Variants in PLEKHG1 observed in about 807,000 individuals in gnomAD.
PLEKHG1 encodes the protein pleckstrin homology domain-containing family G member 1.
Under a neutral mutation model 100.8 loss-of-function variants are expected in PLEKHG1, and 44 were observed. The ratio of observed to expected loss-of-function variants is 0.44; its 90% CI spans 0.34 to 0.56. The LOEUF (loss-of-function observed/expected upper bound fraction) is 0.56, where lower values mean the gene tolerates loss of function less well. PLEKHG1 is among the 20% of genes least tolerant of loss of function. The probability of loss-of-function intolerance (pLI) is 0.01; values close to 1 mark genes in which losing one functional copy is unlikely to be tolerated. For missense variants in PLEKHG1, 1,545 were observed against 1,720.9 expected (o/e 0.90, Z 1.81); for synonymous variants, 640 against 662.5 (o/e 0.97, Z 0.52).
upstream of PLEKHG1, chr6:150,721,061 G>A (rs556378219): frequency 9.4e-6 from 7 of 742,044 alleles, no homozygotes; most frequent in Admixed American, 6.3e-5. Context: ...TGTGTGTTGG[G>A]TTTGGGAGAT....
intron 2 of PLEKHG1, among the ~76,000 whole-genome samples, chr6:150,752,675 C>A (rs566141906): frequency 1.3e-5 from 2 of 152,294 alleles, no homozygotes; most frequent in East Asian, 3.9e-4. Flanking sequence ...AATAACTGAT[C>A]CCTTAACCGA....
chr6:150,838,417 TA>T (rs1389490922), intron 15 of PLEKHG1, among the ~76,000 whole-genome samples: 17 of 152,378 alleles, frequency 1.1e-4, no homozygotes, highest in African/African-American at 4.1e-4. Flanking sequence ...TTGAGATTTT[TA>T]AAAAGCTCAT....
intron 3 of PLEKHG1, among the ~76,000 whole-genome samples, chr6:150,660,659 T>A (rs1054989070): frequency 1.3e-5 from 2 of 152,240 alleles, no homozygotes; most frequent in Non-Finnish European, 2.9e-5. Context: ...TCAGAGCCAG[T>A]TGTTAAAAAC....
intron 3 of PLEKHG1, among the ~76,000 whole-genome samples, chr6:150,677,025 A>G (rs981300008): frequency 6.6e-6 from 1 of 152,030 alleles, no homozygotes; most frequent in Non-Finnish European, 1.5e-5. Context: ...CTCAAACTAT[A>G]GGCATTCTCC....
chr6:150,607,063 G>C lies in PLEKHG1; in HGVS notation c.-204+7046G>C, dbSNP rs368146712. ...CCTCCAACTTCTCGTGTGATTAAAG[G>C]CCCTTGTGTTTTAAGAATTCTTCAG... On this transcript the variant is annotated intron_variant, in intron 1 of 3. Coordinates refer to the PLEKHG1 transcript ENST00000367326. Among the ~76,000 whole-genome samples the C allele has an allele frequency of 3.3e-5, 5 of 152,192 alleles. No individual in the cohort carries two copies. The East Asian group carries it at 7.7e-4, about 24-fold the overall frequency.
intron 3 of PLEKHG1, chr6:150,662,976 A>T (rs1779253550): frequency 6.6e-6 from 1 of 152,184 alleles, no homozygotes; most frequent in African/African-American, 2.4e-5. Flanking sequence ...GTATGATGAT[A>T]CTCATGGGGT....
chr6:150,804,175 A>ATATATATTTTT (rs1173213745), intron 6 of PLEKHG1, among the ~76,000 whole-genome samples: 1 of 43,174 alleles, frequency 2.3e-5, no homozygotes, highest in African/African-American at 9.9e-5. Context: ...ATATATATAT[A>ATATATATTTTT]TTTTTTTTTT....
At chr6:150,717,306 C>A (rs1259416910), upstream of PLEKHG1, among the ~76,000 whole-genome samples, 2 of 151,968 alleles carry the variant, frequency 1.3e-5, no homozygotes, top group African/African-American at 4.8e-5. Context: ...TCCCAAAGTG[C>A]TGGGATTACA....
At chr6:150,676,390 A>G (rs1432031182) in intron 3 of PLEKHG1, among the ~76,000 whole-genome samples, 1 of 152,254 alleles carries the variant, frequency 6.6e-6, no homozygotes, top group Non-Finnish European at 1.5e-5. Flanking sequence ...TTTTACACCT[A>G]TCAAATAAAC....
intron 3 of PLEKHG1, among the ~76,000 whole-genome samples, chr6:150,703,366 T>C (rs1006772025): frequency 2.0e-5 from 3 of 152,158 alleles, no homozygotes; most frequent in Non-Finnish European, 4.4e-5. Flanking sequence ...TTTGGGAGAC[T>C]GAGGCAGGCA....
chr6:150,712,553 A>G (rs1008977973), intron 3 of PLEKHG1, among the ~76,000 whole-genome samples: 1 of 152,216 alleles, frequency 6.6e-6, no homozygotes, highest in Non-Finnish European at 1.5e-5. Flanking sequence ...ATGTTTATTC[A>G]GAATAAACAG....
chr6:150,615,055 T>C (rs574387970), intron 1 of PLEKHG1, among the ~76,000 whole-genome samples: 2 of 152,336 alleles, frequency 1.3e-5, no homozygotes, highest in African/African-American at 2.4e-5. Context: ...TCAGGCACAT[T>C]GGGCTCCTTA....
intron 3 of PLEKHG1, among the ~76,000 whole-genome samples, chr6:150,666,813 T>C (rs1022466530): frequency 8.9e-4 from 134 of 151,200 alleles, no homozygotes; most frequent in African/African-American, 3.1e-3. Context: ...CAGGCTGGAG[T>C]GCAGTGGCGC....
At chr6:150,818,688 A>G (rs550652012) in intron 11 of PLEKHG1, among the ~76,000 whole-genome samples, 1 of 152,366 alleles carries the variant, frequency 6.6e-6, no homozygotes, top group South Asian at 2.1e-4. Context: ...GGCTTACAAA[A>G]GCAGGAGAGA....
chr6:150,750,842 C>T (rs1783475977), intron 2 of PLEKHG1, among the ~76,000 whole-genome samples: 1 of 135,550 alleles, frequency 7.4e-6, no homozygotes, highest in Admixed American at 7.2e-5. Context: ...TGGAAAGTAA[C>T]AAAATGACAG....
chr6:150,770,136 C>T (rs748026025), intron 3 of PLEKHG1, among the ~76,000 whole-genome samples: 9 of 152,198 alleles, frequency 5.9e-5, no homozygotes, highest in Non-Finnish European at 1.2e-4. Flanking sequence ...GCCTACGATG[C>T]TCTTGATTTT....
chr6:150,694,280 G>T (rs1245795899), intron 3 of PLEKHG1, among the ~76,000 whole-genome samples: 3 of 152,180 alleles, frequency 2.0e-5, no homozygotes, highest in Non-Finnish European at 4.4e-5. Flanking sequence ...CTCCTTACTA[G>T]TTGTGTGAAT....
chr6:150,753,597 A>T (rs1471541760), intron 2 of PLEKHG1, among the ~76,000 whole-genome samples: 1 of 152,176 alleles, frequency 6.6e-6, no homozygotes, highest in African/African-American at 2.4e-5. Flanking sequence ...TACTCAACCC[A>T]GGGGTCTGTT....
intron 3 of PLEKHG1, among the ~76,000 whole-genome samples, chr6:150,706,475 A>G (rs1431631643): frequency 1.5e-5 from 2 of 132,478 alleles, no homozygotes; most frequent in Admixed American, 8.5e-5. Flanking sequence ...TTAGCCAGGC[A>G]TGGTGGTGCA....
Sources: allele counts gnomAD v4.1 joint callset (sites outside exome capture counted in the v4.1 genomes callset), GRCh38; gene constraint gnomAD v4.1.1; transcripts MANE v1.5; gene names NCBI Gene and HGNC (gene_info 2026-07-23, HGNC 2026-07-21).